The following CATSPERE variants were observed in gnomAD, a reference collection of about 807,000 sequenced individuals.
CATSPERE encodes the protein cation channel sperm-associated auxiliary subunit epsilon.
CATSPERE carries 93 observed loss-of-function variants against 114.1 expected under a neutral mutation model. The ratio of observed to expected loss-of-function variants is 0.81; its 90% CI spans 0.69 to 0.97. CATSPERE has a LOEUF of 0.97. Ranked by LOEUF, CATSPERE falls within the 50% of genes least tolerant of loss-of-function variation. The pLI is 0.00. For missense variants in CATSPERE, 1,058 were observed against 1,131.6 expected (o/e 0.93, Z 0.93); for synonymous variants, 341 against 384.1 (o/e 0.89, Z 1.31).
chr1:244,455,167 G>A (rs1428830467), intron 1 of CATSPERE, among the ~76,000 whole-genome samples: 1 of 152,146 alleles, frequency 6.6e-6, no homozygotes, highest in East Asian at 1.9e-4. Context: ...TCTTGACAGT[G>A]GGGGGTCTGG....
Position 244,583,883 on chromosome 1 carries a change from G to T in CATSPERE, c.2029G>T (p.Val677Leu), listed in dbSNP as rs747845011. 1.2e-6 allele frequency: 2 copies of T among 1,614,044 alleles called. No homozygotes were observed. Among genetic ancestry groups the T allele is most frequent in the South Asian group, 1.1e-5 (1 of 91,082 alleles). ...FETQDKHTGLVLVQFRPSEYS... is the reference protein window; with the variant it reads ...FETQDKHTGLLLVQFRPSEYS... ...TCCTAGAGACAAGCACACGGGTCTT[G>T]TGCTGGTTCAGTTTCGACCTAGTGA... The change falls in exon 13 of 22, where the codon GTG becomes TTG. Residue 677 changes from valine to leucine, a missense_variant. By Grantham distance (32) the Val-to-Leu change is conservative. This residue lies in a region of CATSPERE where 787 missense variants were observed against 905.6 expected (regional missense o/e 0.87). Transcript: ENST00000366534.
intron 20 of CATSPERE, among the ~76,000 whole-genome samples, chr1:244,627,930 G>A (rs1432804978): frequency 6.6e-6 from 1 of 152,208 alleles, no homozygotes. Flanking sequence ...TCCAGCCTGG[G>A]ATGTGAATGA....
intron 21 of CATSPERE, among the ~76,000 whole-genome samples, chr1:244,637,344 A>G (rs1449077310): frequency 6.6e-6 from 1 of 151,916 alleles, no homozygotes; most frequent in African/African-American, 2.4e-5. Flanking sequence ...GTCAAGCCCC[A>G]CCATCAGTGT....
intron 6 of CATSPERE, among the ~76,000 whole-genome samples, chr1:244,498,604 T>C (rs1673489890): frequency 6.6e-6 from 1 of 152,144 alleles, no homozygotes; most frequent in Admixed American, 6.5e-5. Flanking sequence ...TTTATGGCTA[T>C]AAAGAAAGAT....
Position 244,605,756 on chromosome 1 carries a change from G to A in CATSPERE, c.2365G>A (p.Gly789Ser), listed in dbSNP as rs1669900938. 13 of 1,613,254 alleles carry A rather than the reference G, an allele frequency of 8.1e-6. No individual in the cohort carries two copies. The highest frequency in any genetic ancestry group is 1.7e-5 in the Admixed American group (1 of 59,966). Residue 789 changes from glycine to serine, a missense_variant, in exon 18 of 22, where the codon GGC (glycine) becomes AGC (serine). Coordinates refer to ENST00000366534, the MANE Select transcript of CATSPERE (RefSeq NM_001130957.2). The part of the protein sequence containing the change: ...EANFIVWEIH[G>S]RDDYSFNNTM... ...AAATTTCATAGTGTGGGAAATACAC[G>A]GCAGGGATGACTATAGCTTTAATAA...
chr1:244,513,557 C>G (rs74153703), intron 7 of CATSPERE, among the ~76,000 whole-genome samples: 8,370 of 152,180 alleles, frequency 0.055, 790 homozygotes, highest in African/African-American at 0.19. Context: ...ATGATGCATG[C>G]GGGCACTGGT....
chr1:244,607,558 A>G lies in CATSPERE; in HGVS notation c.2403+1764A>G, dbSNP rs1670167668. 6.6e-6 allele frequency among the ~76,000 whole-genome samples: 1 copy of G among 152,206 alleles called. No homozygotes were observed. The highest frequency in any genetic ancestry group is 1.5e-5 in the Non-Finnish European group (1 of 68,032). ...AGCTGGGGCCATATGACTGGTTCGC[A>G]TGGCTGGAATATGAGCAGAAGTCAT... On this transcript the variant is annotated intron_variant, in intron 18 of 21. Transcript: ENST00000366534. This position sits in a 1 kb window ranked among gnomAD's most constrained non-coding sequence, Gnocchi z 4.4.
At position 244,568,382 on chromosome 1, in the gene CATSPERE, C is replaced by T. The variant is rs1663919577; in HGVS notation, c.1508-3948C>T. ...AGAGCTTGAGGGCTGTGCTCGGAGA[C>T]CCACTGCTTCTTCAGAGCTGGCTCA... On this transcript the variant is annotated intron_variant, in intron 10 of 21. Coordinates refer to ENST00000366534, the MANE Select transcript of CATSPERE (RefSeq NM_001130957.2). The surrounding 1 kb of genome is among the most constrained non-coding windows in gnomAD (Gnocchi z 4.4). Among the ~76,000 whole-genome samples, 2 of 152,210 alleles carry T rather than the reference C, an allele frequency of 1.3e-5. No homozygotes were observed. Among genetic ancestry groups the T allele is most frequent in the Admixed American group, 1.3e-4 (2 of 15,282 alleles).
rs1200310022 is a variant in CATSPERE at position 244,477,756 on chromosome 1, G to A, written c.188+142G>A. 78 of 920,576 alleles carry A rather than the reference G, an allele frequency of 8.5e-5. No homozygotes were observed. In the East Asian group the frequency reaches 1.3e-3, roughly 15 times the overall value. The allele number at this position is 920,576 out of a possible 1,614,324, so 57.0% of individuals were successfully genotyped here. On this transcript the variant is annotated intron_variant, in intron 3 of 21. Transcript: ENST00000366534. ...GTGAAAAGCAAGACAAAATCAGGTC[G>A]AATATAGTATAGAAGTAAAATATTG...
intron 8 of CATSPERE, among the ~76,000 whole-genome samples, chr1:244,527,600 G>A (rs1211159496): frequency 4.6e-5 from 7 of 152,076 alleles, no homozygotes; most frequent in East Asian, 1.9e-4. Flanking sequence ...CGAAGATGAC[G>A]GGATTAAGAG....
In CATSPERE at chr1:244,588,527, A is replaced by G. The variant is rs1376784513; in HGVS notation, c.2131A>G (p.Ile711Val). Residue 711 changes from isoleucine (I) to valine (V), a missense_variant, in exon 14 of 22, where the codon ATT (isoleucine) becomes GTT (valine). This residue lies in a region of CATSPERE where 787 missense variants were observed against 905.6 expected (regional missense o/e 0.87). Transcript: ENST00000366534. ...VGCDDKKFIAIKGFSKKGCHH... is the reference protein window; with the variant it reads ...VGCDDKKFIAVKGFSKKGCHH... The stretch of plus-strand genomic sequence containing the variant: ...CTGTGATGATAAAAAATTCATTGCA[A>G]TTAAAGGGTAAGTATATTTCCATTT... 1 of 1,607,388 alleles carries G rather than the reference A, an allele frequency of 6.2e-7. No homozygotes were observed. Among genetic ancestry groups the G allele is most frequent in the Non-Finnish European group, 8.5e-7 (1 of 1,174,002 alleles).
chr1:244,560,727 C>T lies in CATSPERE; in HGVS notation c.1089C>T (p.Ser363=), dbSNP rs1215967539. 1 of 1,613,844 alleles carries T rather than the reference C, an allele frequency of 6.2e-7. No homozygotes were observed. Among genetic ancestry groups the T allele is most frequent in the South Asian group, 1.1e-5 (1 of 91,008 alleles). ...VWTENEIYLG[S]ILLKFARLVT... ...CAGAAAATGAAATTTACCTCGGATC[C>T]ATTCTTCTTAAGTTTGCCAGATTAG... Residue 363 remains serine, a synonymous_variant, in exon 10 of 22, where the codon TCC becomes TCT. Transcript: ENST00000366534.
chr1:244,571,068 AATTTTAT>A (rs1664376404), intron 10 of CATSPERE, among the ~76,000 whole-genome samples: 1 of 152,212 alleles, frequency 6.6e-6, no homozygotes, highest in Non-Finnish European at 1.5e-5. Context: ...TGAAGTTTTA[AATTTTAT>A]ATATCATTAT....
At chr1:244,583,241 G>A (rs183104791) in intron 12 of CATSPERE, among the ~76,000 whole-genome samples, 115 of 152,154 alleles carry the variant, frequency 7.6e-4, no homozygotes, top group African/African-American at 2.6e-3. Context: ...ACCTTAGCAG[G>A]TGTAGGTATA....
rs79722448 is a variant in CATSPERE at position 244,559,472 on chromosome 1, T to A, written c.1030-1196T>A. On this transcript the variant is annotated intron_variant, in intron 9 of 21. Transcript: ENST00000366534. ...GATTGTCATGTACATAGAAATTACA[T>A]TTCAAGTAAAAATCCCAAAAAATTA... 4.8e-3 allele frequency among the ~76,000 whole-genome samples: 729 copies of A among 152,292 alleles called. 6 individuals carry two copies. The highest frequency in any genetic ancestry group is 0.017 in the African/African-American group (697 of 41,566).
chr1:244,495,220 A>G (rs1672901363), intron 6 of CATSPERE, among the ~76,000 whole-genome samples: 1 of 152,204 alleles, frequency 6.6e-6, no homozygotes, highest in South Asian at 2.1e-4. Context: ...GAGTTGCAAG[A>G]TTGAATTAGA....
At chr1:244,458,369 A>T (rs1666348237), upstream of CATSPERE, among the ~76,000 whole-genome samples, 2 of 152,092 alleles carry the variant, frequency 1.3e-5, no homozygotes, top group South Asian at 4.1e-4. Context: ...AGTAACCAAA[A>T]TTCCTAGTCA....
chr1:244,611,180 A>G (rs868042606), intron 19 of CATSPERE, among the ~76,000 whole-genome samples: 15 of 152,316 alleles, frequency 9.8e-5, no homozygotes, highest in South Asian at 4.1e-4. Context: ...CATGAGGGAA[A>G]TTTTGTTTTG....
In CATSPERE at chr1:244,583,027, G is replaced by A. The variant is rs555633500; in HGVS notation, c.2010-837G>A. Among the ~76,000 whole-genome samples, 7 of 107,544 alleles carry A rather than the reference G, an allele frequency of 6.5e-5. 1 individual carries two copies. The South Asian group carries it at 2.2e-3, about 34-fold the overall frequency. 70.6% of individuals were successfully genotyped at this position (107,544 alleles called of 152,430 possible). ...AAGAGTAGGGAGAAATGCTGCTTTCGACTCCATACCCAGGAGAGGCTGAAT... is the reference window on the plus strand; with the variant it reads ...AAGAGTAGGGAGAAATGCTGCTTTCAACTCCATACCCAGGAGAGGCTGAAT... On this transcript the variant is annotated intron_variant, in intron 12 of 21. Coordinates refer to ENST00000366534, the MANE Select transcript of CATSPERE (RefSeq NM_001130957.2).
Sources: allele counts gnomAD v4.1 joint callset (sites outside exome capture counted in the v4.1 genomes callset), GRCh38; gene constraint gnomAD v4.1.1; regional missense constraint gnomAD v4.1.1; non-coding constraint Gnocchi (gnomAD v3.1); transcripts MANE v1.5; gene names NCBI Gene and HGNC (gene_info 2026-07-23, HGNC 2026-07-21).